The following DPP10 variants were observed in gnomAD, a reference collection of about 807,000 sequenced individuals.
DPP10 encodes the protein inactive dipeptidyl peptidase 10.
A neutral mutation model predicts 120.9 loss-of-function variants in DPP10; 33 were observed. That is an observed-to-expected ratio of 0.27 (90% CI 0.21 to 0.37). The LOEUF (loss-of-function observed/expected upper bound fraction) is 0.37, where lower values mean the gene tolerates loss of function less well. Among genes scored for constraint, DPP10 ranks in the 10% least tolerant of loss-of-function variants. The probability of loss-of-function intolerance (pLI) is 1.00; values close to 1 mark genes in which losing one functional copy is unlikely to be tolerated. For synonymous variants in DPP10, 337 were observed against 326.1 expected (o/e 1.03, Z -0.36); for missense variants, 816 against 942.8 (o/e 0.87, Z 1.76).
intron 1 of DPP10, among the ~76,000 whole-genome samples, chr2:114,615,511 A>G (rs1693609786): frequency 6.6e-6 from 1 of 152,130 alleles, no homozygotes; most frequent in Non-Finnish European, 1.5e-5. Flanking sequence ...ACTCATCACT[A>G]ATAGTCAAAG....
chr2:115,697,240 C>A (rs1340752863), intron 7 of DPP10, among the ~76,000 whole-genome samples: 1 of 151,830 alleles, frequency 6.6e-6, no homozygotes, highest in East Asian at 1.9e-4. Flanking sequence ...TCAGTAATTA[C>A]TTTAAATATA....
chr2:114,809,956 C>T (rs77957427), intron 1 of DPP10, among the ~76,000 whole-genome samples: 2,021 of 152,222 alleles, frequency 0.013, 42 homozygotes, highest in African/African-American at 0.04. Context: ...ATACTCAAAA[C>T]TCCAATTGTA....
rs543958591 is a variant in DPP10 at position 115,006,237 on chromosome 2, C to A, written c.61-303002C>A. ...AGGAAGCATTAAACATGGAAAGGAA[C>A]AACCGGTACCAGACACTGCAAAATC... On this transcript the variant is annotated intron_variant, in intron 1 of 25. Coordinates refer to ENST00000410059, the MANE Select transcript of DPP10 (RefSeq NM_020868.6). Among the ~76,000 whole-genome samples, 14 of 152,130 alleles carry A rather than the reference C, an allele frequency of 9.2e-5. No individual in the cohort carries two copies. The South Asian group carries it at 1.9e-3, about 20-fold the overall frequency.
intron 5 of DPP10, among the ~76,000 whole-genome samples, chr2:115,617,678 G>A (rs2084628052): frequency 6.6e-6 from 1 of 151,994 alleles, no homozygotes; most frequent in South Asian, 2.1e-4. Flanking sequence ...CATAGCCTAG[G>A]TGTGTAGGAG....
rs2050137501 is a variant in DPP10 at position 115,127,499 on chromosome 2, C to T, written c.61-181740C>T. Among the ~76,000 whole-genome samples, 3 of 152,216 alleles carry T rather than the reference C, an allele frequency of 2.0e-5. No homozygotes were observed. The South Asian group carries it at 6.2e-4, about 32-fold the overall frequency. The stretch of plus-strand genomic sequence containing the variant: ...AAACCTAGAGTCAGATGGCATTTAT[C>T]ATTTTTTCCCTAATATTAGAGTTGA... On this transcript the variant is annotated intron_variant, in intron 1 of 25. Coordinates refer to ENST00000410059, the MANE Select transcript of DPP10 (RefSeq NM_020868.6).
At chr2:115,239,856 G>A (rs956058355) in intron 1 of DPP10, among the ~76,000 whole-genome samples, 2 of 152,110 alleles carry the variant, frequency 1.3e-5, no homozygotes, top group African/African-American at 4.8e-5. Flanking sequence ...TGCAGTGTTT[G>A]ATTTTCTGTT....
intron 1 of DPP10, among the ~76,000 whole-genome samples, chr2:114,549,100 A>G (rs1156479186): frequency 1.3e-5 from 2 of 152,050 alleles, no homozygotes; most frequent in Non-Finnish European, 2.9e-5. Flanking sequence ...GGAATGCATT[A>G]TGTTCTTATT....
intron 3 of DPP10, among the ~76,000 whole-genome samples, chr2:115,369,326 T>C (rs1484377297): frequency 6.6e-6 from 1 of 152,068 alleles, no homozygotes; most frequent in Admixed American, 6.6e-5. Context: ...AAGGAGAAAG[T>C]AGAAGTTTAG....
chr2:115,358,194 A>G (rs540990919), intron 3 of DPP10, among the ~76,000 whole-genome samples: 2 of 152,268 alleles, frequency 1.3e-5, no homozygotes. Context: ...TCATCAGGCT[A>G]CAAATTCCCA....
intron 7 of DPP10, among the ~76,000 whole-genome samples, chr2:115,716,775 T>TTTTTTTTTTTTTTTTTTTTTTTTTTGA (rs1484365272): frequency 1.3e-5 from 2 of 152,088 alleles, no homozygotes; most frequent in African/African-American, 4.8e-5. Flanking sequence ...TGAAATTTTA[T>TTTTTTTTTTTTTTTTTTTTTTTTTTGA]GAAGTAGTAT....
chr2:115,123,232 A>G (rs547375031), intron 1 of DPP10, among the ~76,000 whole-genome samples: 38 of 152,206 alleles, frequency 2.5e-4, no homozygotes, highest in South Asian at 2.1e-4. Context: ...AAAGTTTTAT[A>G]GCAGGAATGA....
At chr2:114,948,906 A>T (rs1697564512) in intron 1 of DPP10, among the ~76,000 whole-genome samples, 1 of 151,912 alleles carries the variant, frequency 6.6e-6, no homozygotes, top group African/African-American at 2.4e-5. Flanking sequence ...GAGAGAACCA[A>T]CAAAGGGGGT....
chr2:114,702,374 ATGT>A (rs1284769352), intron 1 of DPP10, among the ~76,000 whole-genome samples: 1 of 151,540 alleles, frequency 6.6e-6, no homozygotes, highest in East Asian at 2.0e-4. Context: ...GAGCCACTTG[ATGT>A]TGTTGGGAGA....
intron 1 of DPP10, among the ~76,000 whole-genome samples, chr2:115,033,697 C>CTTTTTTTTTTTTTTTTTTTTTT (rs10693499): frequency 7.2e-6 from 1 of 137,964 alleles, no homozygotes. Flanking sequence ...ATCTTCCCTC[C>CTTTTTTTTTTTTTTTTTTTTTT]TTTTTTTTTT....
chr2:115,701,946 A>G (rs1189323043), intron 7 of DPP10, among the ~76,000 whole-genome samples: 1 of 152,076 alleles, frequency 6.6e-6, no homozygotes, highest in Admixed American at 6.6e-5. Flanking sequence ...CTGAATATAG[A>G]TGCCTTGATA....
chr2:114,956,457 T>A (rs11694886), intron 1 of DPP10, among the ~76,000 whole-genome samples: 1 of 151,838 alleles, frequency 6.6e-6, no homozygotes, highest in East Asian at 1.9e-4. Flanking sequence ...AAGAGACAAA[T>A]AAATGGAAAG....
chr2:115,647,566 T>C (rs1268981166), intron 5 of DPP10, among the ~76,000 whole-genome samples: 1 of 152,100 alleles, frequency 6.6e-6, no homozygotes. Flanking sequence ...AACAAAGGAC[T>C]GGGTAACATG....
At chr2:114,551,520 TGTG>T (rs1687886301) in intron 1 of DPP10, among the ~76,000 whole-genome samples, 1 of 152,156 alleles carries the variant, frequency 6.6e-6, no homozygotes, top group African/African-American at 2.4e-5. Flanking sequence ...CTCCTAGTGT[TGTG>T]GTGAGGCTCC....
intron 1 of DPP10, among the ~76,000 whole-genome samples, chr2:114,610,082 A>G (rs76330708): frequency 0.038 from 5,815 of 152,290 alleles, 186 homozygotes; most frequent in Middle Eastern, 0.065. Context: ...TCACGGGAAC[A>G]ACACTTCAAG....
Sources: gnomAD v4.1 joint callset for allele counts (sites outside exome capture counted in the v4.1 genomes callset) on GRCh38, gnomAD v4.1.1 for gene constraint, MANE v1.5 for transcripts, NCBI Gene and HGNC (gene_info 2026-07-23, HGNC 2026-07-21) for gene names.